The following CINP variants were observed in gnomAD, a reference collection of about 807,000 sequenced individuals.
The protein encoded by CINP is cyclin-dependent kinase 2-interacting protein.
In CINP, 11 loss-of-function variants were observed where a neutral mutation model predicts 20.5. That is an observed-to-expected ratio of 0.54 (90% CI 0.34 to 0.89). The LOEUF is 0.89. Ranked by LOEUF, CINP falls within the 40% of genes least tolerant of loss-of-function variation. CINP has a pLI of 0.02. For missense variants in CINP, 213 were observed against 251.0 expected, an observed-to-expected ratio of 0.85 and a Z score of 1.02; for synonymous variants, 108 against 102.1, an observed-to-expected ratio of 1.06 and a Z score of -0.35.
chr14:102,359,125 C>G (rs549932571), intron 2 of CINP, among the ~76,000 whole-genome samples: 6 of 151,248 alleles, frequency 4.0e-5, no homozygotes, highest in African/African-American at 1.5e-4. Context: ...TGCTTGAACC[C>G]AGGCGGTAGA....
At chr14:102,353,351 C>T (rs1886916284) in intron 3 of CINP, among the ~76,000 whole-genome samples, 1 of 152,070 alleles carries the variant, frequency 6.6e-6, no homozygotes, top group East Asian at 1.9e-4. Context: ...GAAACACTGC[C>T]CAGCCAGGTG....
chr14:102,354,850 A>G (rs1886961697), intron 3 of CINP, among the ~76,000 whole-genome samples: 1 of 152,054 alleles, frequency 6.6e-6, no homozygotes, highest in Non-Finnish European at 1.5e-5. Context: ...CAGGCTGATC[A>G]CTTGAGGTCA....
At chr14:102,355,477 T>C (rs1886977153) in intron 3 of CINP, 1 of 248,042 alleles carries the variant, frequency 4.0e-6, no homozygotes, top group African/African-American at 2.3e-5. Flanking sequence ...ATCACGCCAT[T>C]GCACTCCAGC....
rs1334420718 is a variant in CINP, at chr14:102,351,870, T to A, written c.307-1822A>T. The stretch of plus-strand genomic sequence containing the variant: ...GATACCATGCCTTCTGACACCAAGT[T>A]TTTTTGTTTTTGTTTTTGTTTTTGT... On this transcript the variant is annotated intron_variant, in intron 3 of 4. Coordinates refer to ENST00000216756, the MANE Select transcript of CINP (RefSeq NM_032630.3). This position sits in a 1 kb window ranked among gnomAD's most constrained non-coding sequence, Gnocchi z 4.2. Among the ~76,000 whole-genome samples, 1 of 151,980 alleles carries A rather than the reference T, an allele frequency of 6.6e-6. No homozygotes were observed. The highest frequency in any genetic ancestry group is 2.1e-4 in the South Asian group (1 of 4,818).
chr14:102,358,575 G>A (rs554508957), intron 2 of CINP, among the ~76,000 whole-genome samples: 1 of 152,166 alleles, frequency 6.6e-6, no homozygotes, highest in Non-Finnish European at 1.5e-5. Context: ...TAGCTACTCA[G>A]GAGGCTGAGA....
In CINP at chr14:102,348,570, T is replaced by G; in HGVS notation, c.626A>C (p.His209Pro). The G allele has an allele frequency of 6.2e-7, 1 of 1,611,008 alleles. No individual in the cohort carries two copies. The highest frequency in any genetic ancestry group is 8.5e-7 in the Non-Finnish European group (1 of 1,179,218). Residue 209 changes from histidine (H) to proline (P), a missense_variant, in exon 5 of 5, where the codon CAC becomes CCC. By Grantham distance (77) the His-to-Pro change is moderately conservative (BLOSUM62 -2). Transcript: ENST00000216756. ...HLESMLLETG[H>P]RAL Reference sequence around the variant, plus strand: ...CGTCTCAGGACGTCAGAGAGCTCGGTGGCCTGTCTCCAGCAGCATGCTCTC... The same window carrying G: ...CGTCTCAGGACGTCAGAGAGCTCGGGGGCCTGTCTCCAGCAGCATGCTCTC...
intron 1 of CINP, among the ~76,000 whole-genome samples, chr14:102,362,307 C>T (rs572650623): frequency 6.6e-6 from 1 of 152,320 alleles, no homozygotes; most frequent in East Asian, 1.9e-4. Context: ...GGCTAAGTTA[C>T]TTATCCCCTC....
intron 2 of CINP, among the ~76,000 whole-genome samples, 192 bp downstream of exon 2, chr14:102,359,227 A>AATATAT (rs10632205): frequency 0.049 from 5,692 of 115,262 alleles, 255 homozygotes; most frequent in East Asian, 0.088. Flanking sequence ...TAAATAACTA[A>AATATAT]ATATATATAT....
Position 102,348,503 on chromosome 14 carries a change from C to A in CINP, c.*54G>T. Reference sequence around the variant, plus strand: ...CCTGCGGCACTGGGTCCTAGGCAGACTGTCTGCCTGGTGAGACGTGGAAGG... The same window carrying A: ...CCTGCGGCACTGGGTCCTAGGCAGAATGTCTGCCTGGTGAGACGTGGAAGG... On this transcript the variant is annotated 3_prime_UTR_variant, in exon 5 of 5. Coordinates refer to ENST00000216756, the MANE Select transcript of CINP (RefSeq NM_032630.3). 1 of 1,510,372 alleles carries A rather than the reference C, an allele frequency of 6.6e-7. No individual in the cohort carries two copies. Among genetic ancestry groups the A allele is most frequent in the Non-Finnish European group, 9.0e-7 (1 of 1,111,832 alleles). 93.6% of individuals were successfully genotyped at this position (1,510,372 alleles called of 1,614,324 possible).
At chr14:102,354,479 G>A (rs1440841317) in intron 3 of CINP, among the ~76,000 whole-genome samples, 2 of 152,310 alleles carry the variant, frequency 1.3e-5, no homozygotes, top group African/African-American at 2.4e-5. Flanking sequence ...TTTCCTGGAC[G>A]AACATGGTGG....
At position 102,351,548 on chromosome 14, in the gene CINP, A is replaced by G. The variant is rs1886872500; in HGVS notation, c.307-1500T>C. On this transcript the variant is annotated intron_variant, in intron 3 of 4. Coordinates refer to ENST00000216756, the MANE Select transcript of CINP (RefSeq NM_032630.3). This position sits in a 1 kb window ranked among gnomAD's most constrained non-coding sequence, Gnocchi z 4.2. ...AAGACCAAATTTTGAACTCCTAAGT[A>G]TAGTTGACTTTACATACATAAATAT... is the stretch of plus-strand genomic sequence containing the variant. Among the ~76,000 whole-genome samples, 1 of 152,248 alleles carries G rather than the reference A, an allele frequency of 6.6e-6. No homozygotes were observed. The highest frequency in any genetic ancestry group is 1.5e-5 in the Non-Finnish European group (1 of 68,048).
rs758432031 is a variant in CINP at position 102,348,699 on chromosome 14, A to G, written c.497T>C (p.Val166Ala). The G allele has an allele frequency of 3.7e-6, 6 of 1,613,940 alleles. No individual in the cohort carries two copies. In the South Asian group the frequency reaches 5.5e-5, roughly 15 times the overall value. Residue 166 changes from valine to alanine, a missense_variant, in exon 5 of 5, where the codon GTG becomes GCG. Val to Ala is a moderately conservative substitution (Grantham distance 64, BLOSUM62 0). Transcript: ENST00000216756. Reference sequence around the variant, plus strand: ...CCCGGTGTGGGCAAGCTCCTTGGCCACCGTGCGCTTCAGGAGCAGCTCCTT... The same window carrying G: ...CCCGGTGTGGGCAAGCTCCTTGGCCGCCGTGCGCTTCAGGAGCAGCTCCTT... ...YRKELLLKRT[V>A]AKELAHTGDP...
intron 1 of CINP, among the ~76,000 whole-genome samples, chr14:102,360,155 G>A (rs1005078200): frequency 1.3e-5 from 2 of 151,910 alleles, no homozygotes; most frequent in South Asian, 2.1e-4. Flanking sequence ...ACATCATCAC[G>A]TACATCAACC....
Position 102,355,832 on chromosome 14 carries a change from C to A in CINP, c.242G>T (p.Cys81Phe). 6.2e-7 allele frequency: 1 copy of A among 1,614,226 alleles called. No individual in the cohort carries two copies. Among genetic ancestry groups the A allele is most frequent in the Non-Finnish European group, 8.5e-7 (1 of 1,180,030 alleles). ...PASKENEEKV[C>F]LEYNEELEKL... is the part of the protein sequence containing the mutation. ...CTCCAGTTCCTCGTTATATTCCAGA[C>A]ACACCTTTTCTTCATTTTCCTTCGA... is the stretch of plus-strand genomic sequence containing the variant. The change falls in exon 3 of 5, where the codon TGT becomes TTT. Residue 81 changes from cysteine (C) to phenylalanine (F), a missense_variant. By Grantham distance (205) the Cys-to-Phe change is radical. Coordinates refer to ENST00000216756, the MANE Select transcript of CINP (RefSeq NM_032630.3).
chr14:102,359,456 T>C lies in CINP; in HGVS notation c.139A>G (p.Thr47Ala), dbSNP rs369073138. ...WETLNDAGFT[T>A]ANNIANLKIS... ...TTCAAGTTGGCAATATTATTTGCAG[T>C]GGTAAAACCTGCATCATTGAGGGTT... Residue 47 changes from threonine (T) to alanine (A), a missense_variant, in exon 2 of 5, where the codon ACT becomes GCT. By Grantham distance (58) the Thr-to-Ala change is moderately conservative. Coordinates refer to ENST00000216756, the MANE Select transcript of CINP (RefSeq NM_032630.3). The C allele has an allele frequency of 4.4e-6, 7 of 1,603,408 alleles. No homozygotes were observed. The Admixed American group carries it at 1.2e-4, about 27-fold the overall frequency.
At chr14:102,356,441 G>A (rs1050251581) in intron 2 of CINP, among the ~76,000 whole-genome samples, 5 of 151,886 alleles carry the variant, frequency 3.3e-5, no homozygotes, top group African/African-American at 7.2e-5. Flanking sequence ...ACCATTCAGC[G>A]GTGTGGCATC....
intron 3 of CINP, among the ~76,000 whole-genome samples, chr14:102,355,068 CAAA>C (rs1036029762): frequency 8.1e-5 from 7 of 85,930 alleles, no homozygotes; most frequent in Admixed American, 1.3e-4. Flanking sequence ...GACTCCATCT[CAAA>C]AAAAAAAAAA....
At chr14:102,353,460 A>C (rs1382743723) in intron 3 of CINP, among the ~76,000 whole-genome samples, 1 of 152,012 alleles carries the variant, frequency 6.6e-6, no homozygotes. Context: ...GCACTGCTTG[A>C]GCCCAGGAGT....
At position 102,356,962 on chromosome 14, in the gene CINP, G is replaced by A. The variant is rs528316506; in HGVS notation, c.177-1065C>T. ...AATAGCCCTACATTGGCCTCTAAGT[G>A]TACAAGTGAAAGGAAGAGTTGCATA... On this transcript the variant is annotated intron_variant, in intron 2 of 4. Transcript: ENST00000216756. Among the ~76,000 whole-genome samples the A allele has an allele frequency of 1.1e-3, 168 of 152,246 alleles. 1 individual carries two copies. Among genetic ancestry groups the A allele is most frequent in the Non-Finnish European group, 1.8e-3 (123 of 68,024 alleles).
Sources: gnomAD v4.1 joint callset for allele counts (sites outside exome capture counted in the v4.1 genomes callset) on GRCh38, gnomAD v4.1.1 for gene constraint, Gnocchi (gnomAD v3.1) non-coding constraint, MANE v1.5 for transcripts, NCBI Gene and HGNC (gene_info 2026-07-23, HGNC 2026-07-21) for gene names.